PPP1R7: variants seen among roughly 807,000 people sequenced by gnomAD.
PPP1R7 encodes the protein protein phosphatase 1 regulatory subunit 7.
Under a neutral mutation model 45.2 loss-of-function variants are expected in PPP1R7, and 18 were observed. The ratio of observed to expected loss-of-function variants is 0.40; its 90% CI spans 0.28 to 0.59. The LOEUF is 0.59. Among genes scored for constraint, PPP1R7 ranks in the 20% least tolerant of loss-of-function variants. The pLI is 0.46. For synonymous variants in PPP1R7, 181 were observed against 183.4 expected (o/e 0.99, Z 0.11); for missense variants, 314 against 455.8 (o/e 0.69, Z 2.83).
chr2:241,181,406 T>A (rs1279646624), intron 9 of PPP1R7, among the ~76,000 whole-genome samples: 1 of 152,012 alleles, frequency 6.6e-6, no homozygotes, highest in Non-Finnish European at 1.5e-5. Flanking sequence ...AGCACGCACC[T>A]GCAGGCTCTG....
intron 9 of PPP1R7, 58 bp from the exon 10 acceptor site, chr2:241,182,589 C>T: frequency 6.3e-7 from 1 of 1,594,314 alleles, no homozygotes; most frequent in South Asian, 1.1e-5. Context: ...TGGACCCCAC[C>T]AGAGTCGAGG....
At chr2:241,174,509 C>T (rs2067875134) in intron 9 of PPP1R7, among the ~76,000 whole-genome samples, 1 of 151,980 alleles carries the variant, frequency 6.6e-6, no homozygotes, top group Non-Finnish European at 1.5e-5. Flanking sequence ...TCTGTGTGGC[C>T]ACCAGGCTCT....
intron 1 of PPP1R7, among the ~76,000 whole-genome samples, chr2:241,152,572 G>A (rs1180194058): frequency 6.6e-6 from 1 of 152,186 alleles, no homozygotes; most frequent in Non-Finnish European, 1.5e-5. Flanking sequence ...CCTTTCTTGG[G>A]TTTTACTTTG....
At chr2:241,178,394 AATG>A (rs1399182717) in intron 9 of PPP1R7, among the ~76,000 whole-genome samples, 2 of 151,534 alleles carry the variant, frequency 1.3e-5, no homozygotes, top group Non-Finnish European at 2.9e-5. Context: ...TCTATCAATG[AATG>A]ATACTAAACC....
At chr2:241,170,248 A>C (rs1340658692) in intron 9 of PPP1R7, among the ~76,000 whole-genome samples, 1 of 152,204 alleles carries the variant, frequency 6.6e-6, no homozygotes, top group Non-Finnish European at 1.5e-5. Context: ...TGGTTTGCAA[A>C]CCTCAGCAGA....
At position 241,176,650 on chromosome 2, in the gene PPP1R7, G is replaced by A. The variant is rs59623605; in HGVS notation, c.907-5997G>A. Among the ~76,000 whole-genome samples the A allele has an allele frequency of 4.5e-3, 687 of 151,972 alleles. 5 individuals carry two copies. Among genetic ancestry groups the A allele is most frequent in the African/African-American group, 0.016 (644 of 41,452 alleles). On this transcript the variant is annotated intron_variant, in intron 9 of 9. Coordinates refer to ENST00000234038, the MANE Select transcript of PPP1R7 (RefSeq NM_002712.3). ...TAATTTTTGTATTTTTAGTAGAGACGGGGTTTTGCCATGTTGGCCAGGCTG... is the reference window on the plus strand; with the variant it reads ...TAATTTTTGTATTTTTAGTAGAGACAGGGTTTTGCCATGTTGGCCAGGCTG...
rs1302817353 is a variant in PPP1R7, at chr2:241,169,887, G to A, written c.906+20G>A. On this transcript the variant is annotated intron_variant, in intron 9 of 9. Transcript: ENST00000234038. ...TTCTGGGTAAGTTTAATACACGCTGGGGTTGATGACACTTTGACTAAACTG... is the reference window on the plus strand; with the variant it reads ...TTCTGGGTAAGTTTAATACACGCTGAGGTTGATGACACTTTGACTAAACTG... 6.4e-7 allele frequency: 1 copy of A among 1,563,668 alleles called. No individual in the cohort carries two copies. Among genetic ancestry groups the A allele is most frequent in the Non-Finnish European group, 8.8e-7 (1 of 1,134,282 alleles).
Position 241,151,603 on chromosome 2 carries a change from G to A in PPP1R7, c.52+1056G>A, listed in dbSNP as rs1240559390. The A allele has an allele frequency of 1.1e-5, 5 of 470,746 alleles. No homozygotes were observed. In the East Asian group the frequency reaches 3.5e-4, roughly 33 times the overall value. 29.2% of individuals were successfully genotyped at this position (470,746 alleles called of 1,614,324 possible). On this transcript the variant is annotated intron_variant, in intron 1 of 9. Transcript: ENST00000234038. ...GTATGTGGTGGGGATGGGGGCGGTAGTGTTAAGGGTCTTGGACTTCATACC... is the reference window on the plus strand; with the variant it reads ...GTATGTGGTGGGGATGGGGGCGGTAATGTTAAGGGTCTTGGACTTCATACC...
chr2:241,182,538 C>T (rs2068022708), intron 9 of PPP1R7, 109 bp from the exon 10 acceptor site: 1 of 1,387,358 alleles, frequency 7.2e-7, no homozygotes, highest in African/African-American at 1.4e-5. Flanking sequence ...AGACCCACAC[C>T]TGCTCGCCAT....
intron 4 of PPP1R7, chr2:241,158,872 TTG>T (rs2067520571): frequency 2.4e-6 from 1 of 414,444 alleles, no homozygotes; most frequent in African/African-American, 2.0e-5. Context: ...TCATTGGAAT[TTG>T]TCAAAATTGA....
Position 241,163,267 on chromosome 2 carries a change from G to A in PPP1R7, c.598-18G>A. The A allele has an allele frequency of 1.3e-6, 2 of 1,568,694 alleles. No individual in the cohort carries two copies. The highest frequency in any genetic ancestry group is 1.8e-6 in the Non-Finnish European group (2 of 1,138,922). ...CCTGTCAACTGCAGTACTCATTGCT[G>A]TTCTGTCCTTTCCACAGGCAATCGA... On this transcript the variant is annotated intron_variant, in intron 6 of 9. Transcript: ENST00000234038.
chr2:241,167,042 CA>C (rs755541876), intron 8 of PPP1R7: 25 of 1,612,316 alleles, frequency 1.6e-5, no homozygotes, highest in Non-Finnish European at 2.0e-5. Context: ...CCTTCTCACT[CA>C]GGTGCAGGAC....
chr2:241,170,008 G>C lies in PPP1R7; in HGVS notation c.906+141G>C, dbSNP rs759879556. On this transcript the variant is annotated intron_variant, in intron 9 of 9. Transcript: ENST00000234038. The stretch of plus-strand genomic sequence containing the variant: ...GCACATCATGAGATTTGGGGTGGGC[G>C]CTCTTGTAGACTTGTATTGGGTGTT... 10 of 661,666 alleles carry C rather than the reference G, an allele frequency of 1.5e-5. No homozygotes were observed. The South Asian group carries it at 1.6e-4, about 11-fold the overall frequency. The allele number at this position is 661,666 out of a possible 1,614,324, so 41.0% of individuals were successfully genotyped here.
At chr2:241,177,578 C>A (rs1386765292) in intron 9 of PPP1R7, among the ~76,000 whole-genome samples, 1 of 152,166 alleles carries the variant, frequency 6.6e-6, no homozygotes, top group Non-Finnish European at 1.5e-5. Context: ...CTATGACATA[C>A]AAAAAGTTCT....
In PPP1R7 at chr2:241,150,504, G is replaced by A. The variant is rs535396771; in HGVS notation, c.9G>A (p.Ala3=). 2 of 1,598,508 alleles carry A rather than the reference G, an allele frequency of 1.3e-6. No homozygotes were observed. Among genetic ancestry groups the A allele is most frequent in the Non-Finnish European group, 1.7e-6 (2 of 1,173,714 alleles). The change falls in exon 1 of 10, where the codon GCG becomes GCA. Residue 3 remains alanine (A), a synonymous_variant. Transcript: ENST00000234038. MA[A]ERGAGQQQSQ... ...GGGGAAGAGCAGCCAACATGGCGGC[G>A]GAACGCGGCGCGGGGCAGCAACAGT...
chr2:241,161,430 C>G (rs1157959823), intron 6 of PPP1R7, among the ~76,000 whole-genome samples: 2 of 151,014 alleles, frequency 1.3e-5, no homozygotes, highest in Non-Finnish European at 1.5e-5. Flanking sequence ...GTTTCCCAAG[C>G]CCAGCAAAGT....
intron 9 of PPP1R7, 127 bp downstream of exon 9, chr2:241,169,994 G>A (rs1298977317): frequency 1.3e-6 from 1 of 750,228 alleles, no homozygotes; most frequent in Non-Finnish European, 2.2e-6. Flanking sequence ...CACATCATGA[G>A]ATTTGGGGTG....
intron 2 of PPP1R7, chr2:241,155,144 C>T (rs1227835050): frequency 6.6e-6 from 1 of 152,234 alleles, no homozygotes; most frequent in African/African-American, 2.4e-5. Flanking sequence ...CCGCTATCCT[C>T]AGATGGGTGC....
At chr2:241,170,770 T>A (rs1025748593) in intron 9 of PPP1R7, among the ~76,000 whole-genome samples, 2 of 152,244 alleles carry the variant, frequency 1.3e-5, no homozygotes, top group African/African-American at 4.8e-5. Context: ...CAAATGTTCC[T>A]TGCCCCTTAT....
Sources: allele counts gnomAD v4.1 joint callset (sites outside exome capture counted in the v4.1 genomes callset), GRCh38; gene constraint gnomAD v4.1.1; transcripts MANE v1.5; gene names NCBI Gene and HGNC (gene_info 2026-07-23, HGNC 2026-07-21).